SCYL3: variants seen among roughly 807,000 people sequenced by gnomAD.
SCYL3 encodes the protein SCY1 like pseudokinase 3, also known as protein-associating with the carboxyl-terminal domain of ezrin.
A neutral mutation model predicts 73.8 loss-of-function variants in SCYL3; 35 were observed. The observed-to-expected ratio is 0.47, with a 90% CI of 0.36 to 0.63. The LOEUF (loss-of-function observed/expected upper bound fraction) is 0.63, where lower values mean the gene tolerates loss of function less well. Ranked by LOEUF, SCYL3 falls within the 20% of genes least tolerant of loss-of-function variation. SCYL3 has a pLI of 0.00. For missense variants in SCYL3, 712 were observed against 798.9 expected, an observed-to-expected ratio of 0.89 and a Z score of 1.31; for synonymous variants, 277 against 295.2, an observed-to-expected ratio of 0.94 and a Z score of 0.63.
At chr1:169,875,900 G>GA in intron 4 of SCYL3, 78 bp downstream of exon 4, 1 of 785,988 alleles carries the variant, frequency 1.3e-6, no homozygotes, top group Admixed American at 3.0e-5. Context: ...AACACTGAAG[G>GA]AAAGTGCCTA....
chr1:169,849,641 A>G lies in SCYL3; in HGVS notation c.*4072T>C, dbSNP rs749556683. The stretch of plus-strand genomic sequence containing the variant: ...ACTGATTTATCACAGTGACTTTCAA[A>G]CCATTTTAATATTTCAAATATTCCA... On this transcript the variant is annotated 3_prime_UTR_variant, in exon 13 of 13. Transcript: ENST00000367771. 10 of 1,461,242 alleles carry G rather than the reference A, an allele frequency of 6.8e-6. No individual in the cohort carries two copies. The highest frequency in any genetic ancestry group is 9.6e-6 in the Non-Finnish European group (10 of 1,044,264). The allele number at this position is 1,461,242 out of a possible 1,614,324, so 90.5% of individuals were successfully genotyped here.
chr1:169,865,480 CCT>C (rs1659974848), intron 8 of SCYL3, among the ~76,000 whole-genome samples: 1 of 152,286 alleles, frequency 6.6e-6, no homozygotes, highest in East Asian at 1.9e-4. Context: ...CCAGCATTCC[CCT>C]CTCTTCCAGG....
Position 169,853,332 on chromosome 1 carries a change from A to AGCTT in SCYL3, c.*377_*380dup. The AGCTT allele has an allele frequency of 6.0e-6, 2 of 332,472 alleles. No individual in the cohort carries two copies. The highest frequency in any genetic ancestry group is 1.1e-5 in the Non-Finnish European group (2 of 183,684). The allele number at this position is 332,472 out of a possible 1,614,324, so 20.6% of individuals were successfully genotyped here. On this transcript the variant is annotated 3_prime_UTR_variant, in exon 13 of 13. Transcript: ENST00000367771. ...TTTTTAAAGTTGTATTTCATAATAGAGCTTACTCTTATGTTAAAGAATGGC... is the reference window on the plus strand; with the variant it reads ...TTTTTAAAGTTGTATTTCATAATAGAGCTTGCTTACTCTTATGTTAAAGAATGGC...
In SCYL3 at chr1:169,859,112, C is replaced by G. The variant is rs1287699803; in HGVS notation, c.1241G>C (p.Gly414Ala). 6.2e-7 allele frequency: 1 copy of G among 1,613,902 alleles called. No homozygotes were observed. The highest frequency in any genetic ancestry group is 1.7e-5 in the Admixed American group (1 of 59,968). ...VSLLGPEVVV[G>A]GERTKIFKRT... ...TTTGAAGATCTTGGTTCGTTCTCCTCCCACAACCACCTCTGGTCCAAGCAG... is the reference window on the plus strand; with the variant it reads ...TTTGAAGATCTTGGTTCGTTCTCCTGCCACAACCACCTCTGGTCCAAGCAG... Residue 414 changes from glycine to alanine, a missense_variant, in exon 11 of 13, where the codon GGA becomes GCA. Physicochemically the swap from Gly to Ala is moderately conservative, Grantham distance 60 (BLOSUM62 0). This residue lies in a region of SCYL3 where 370 missense variants were observed against 350.8 expected (regional missense o/e 1.05). Transcript: ENST00000367771.
chr1:169,854,077 CAA>C (rs1374518810), intron 12 of SCYL3, 191 bp downstream of exon 12: 2 of 582,838 alleles, frequency 3.4e-6, no homozygotes, highest in East Asian at 5.8e-5. Context: ...GCTCATTAAA[CAA>C]ACTAAGCATT....
intron 5 of SCYL3, among the ~76,000 whole-genome samples, chr1:169,873,172 G>A (rs577423577): frequency 6.6e-6 from 1 of 152,232 alleles, no homozygotes; most frequent in South Asian, 2.1e-4. Context: ...ATTGAATTAT[G>A]GAGGTAGATC....
chr1:169,850,018 A>G lies in SCYL3; in HGVS notation c.*3695T>C, dbSNP rs1657907849. The stretch of plus-strand genomic sequence containing the variant: ...TTGCTGTATAGTCATGCCTATGATC[A>G]TAAGGGAGTCCAGAAGCATTAGTAT... On this transcript the variant is annotated 3_prime_UTR_variant, in exon 13 of 13. Coordinates refer to ENST00000367771, the MANE Select transcript of SCYL3 (RefSeq NM_020423.7). The G allele has an allele frequency of 1.9e-6, 1 of 532,290 alleles. No individual in the cohort carries two copies. The highest frequency in any genetic ancestry group is 3.2e-5 in the Admixed American group (1 of 30,980). 33.0% of individuals were successfully genotyped at this position (532,290 alleles called of 1,614,324 possible).
Position 169,878,820 on chromosome 1 carries a change from C to T in SCYL3, c.166-1G>A. 1.2e-6 allele frequency: 2 copies of T among 1,604,962 alleles called. No individual in the cohort carries two copies. Among genetic ancestry groups the T allele is most frequent in the East Asian group, 2.2e-5 (1 of 44,798 alleles). On this transcript the variant is annotated splice_acceptor_variant, in intron 2 of 12. Coordinates refer to ENST00000367771, the MANE Select transcript of SCYL3 (RefSeq NM_020423.7). LOFTEE classifies it high-confidence loss of function. ...AAGGGTGACGAAGTGTCTTCAAATG[C>T]TTTAAAAATACAAACCGAAGAGCTG...
chr1:169,891,843 T>A (rs75478159), intron 1 of SCYL3, among the ~76,000 whole-genome samples: 2,249 of 152,330 alleles, frequency 0.015, 55 homozygotes, highest in African/African-American at 0.051. Context: ...GTGGGAACAT[T>A]GGCCTTGCAA....
At chr1:169,885,966 C>T (rs12124032) in intron 2 of SCYL3, among the ~76,000 whole-genome samples, 10,018 of 152,140 alleles carry the variant, frequency 0.066, 426 homozygotes, top group Non-Finnish European at 0.1. Context: ...TGCCCAGAAG[C>T]CACGTAAGAG....
Position 169,854,520 on chromosome 1 carries a change from A to G in SCYL3, c.1757T>C (p.Val586Ala). 6.2e-7 allele frequency: 1 copy of G among 1,613,916 alleles called. No homozygotes were observed. The highest frequency in any genetic ancestry group is 1.7e-4 in the Middle Eastern group (1 of 6,060). ...CTTAAGGGGCCTTTCTTGTGATGAC[A>G]CTTTTGGCGGCTCGATTTGGTCTGC... is the stretch of plus-strand genomic sequence containing the variant. ...DDADQIEPPK[V>A]SSQERPLKVP... Residue 586 changes from valine (V) to alanine (A), a missense_variant, in exon 12 of 13, where the codon GTG (valine) becomes GCG (alanine). Val to Ala is a moderately conservative substitution (Grantham distance 64). Around this residue, in one of 2 missense-constraint regions of SCYL3, gnomAD observed 370 missense variants for 350.8 expected, o/e 1.05. Coordinates refer to ENST00000367771, the MANE Select transcript of SCYL3 (RefSeq NM_020423.7).
intron 2 of SCYL3, among the ~76,000 whole-genome samples, chr1:169,885,677 A>C (rs1381844220): frequency 6.6e-6 from 1 of 152,214 alleles, no homozygotes; most frequent in Non-Finnish European, 1.5e-5. Context: ...GAAAGGAATA[A>C]AAATTCCATT....
rs747163105 is a variant in SCYL3, at chr1:169,876,035, TC to T, written c.407del (p.Gly136AspfsTer5). Reference protein sequence around the residue: ...CLSSVFVSEDGHWKLGGMETV... With the variant: ...CLSSVFVSEDXHWKLGGMETV... ...TTTCCATTCCTCCTAGCTTCCAGTG[TC>T]CATCTTCACTCACAAACACAGATGA... On this transcript the variant is annotated frameshift_variant, in exon 4 of 13. Transcript: ENST00000367771. LOFTEE classifies it high-confidence loss of function. 1 of 1,612,258 alleles carries T rather than the reference TC, an allele frequency of 6.2e-7. No homozygotes were observed. The highest frequency in any genetic ancestry group is 1.1e-5 in the South Asian group (1 of 90,790).
chr1:169,863,279 G>T (rs4656200), intron 9 of SCYL3, among the ~76,000 whole-genome samples: 96,636 of 152,020 alleles, frequency 0.64, 31,093 homozygotes, highest in Middle Eastern at 0.77. Flanking sequence ...ATTACTTAAC[G>T]CTTAATTATG....
At chr1:169,855,628 G>T (rs1659066466) in intron 11 of SCYL3, among the ~76,000 whole-genome samples, 1 of 152,138 alleles carries the variant, frequency 6.6e-6, no homozygotes, top group Admixed American at 6.5e-5. Context: ...ACTATAAAGA[G>T]GAGGTAAGTA....
intron 3 of SCYL3, among the ~76,000 whole-genome samples, chr1:169,878,384 T>G (rs898396662): frequency 6.6e-6 from 1 of 152,224 alleles, no homozygotes; most frequent in African/African-American, 2.4e-5. Context: ...AGACAGACTA[T>G]AGTAAACTAA....
At position 169,873,003 on chromosome 1, in the gene SCYL3, T is replaced by G. The variant is rs554220709; in HGVS notation, c.522+693A>C. Among the ~76,000 whole-genome samples, 22 of 152,152 alleles carry G rather than the reference T, an allele frequency of 1.4e-4. No individual in the cohort carries two copies. In the South Asian group the frequency reaches 4.6e-3, roughly 32 times the overall value. The stretch of plus-strand genomic sequence containing the variant: ...GTTAATGCTGAAATGAGTGAAGACT[T>G]TGGGGGACTGTTGAGAAGACATGAC... On this transcript the variant is annotated intron_variant, in intron 5 of 12. Coordinates refer to ENST00000367771, the MANE Select transcript of SCYL3 (RefSeq NM_020423.7).
In SCYL3 at chr1:169,850,316, A is replaced by G; in HGVS notation, c.*3397T>C. ...ACAGTGTCTCAGTTCTGAAGAAACT[A>G]AGAACAAAGTTGTATCCTTTCTGGA... On this transcript the variant is annotated 3_prime_UTR_variant, in exon 13 of 13. Transcript: ENST00000367771. 6.2e-7 allele frequency: 1 copy of G among 1,611,250 alleles called. No homozygotes were observed. Among genetic ancestry groups the G allele is most frequent in the Non-Finnish European group, 8.5e-7 (1 of 1,177,482 alleles).
chr1:169,854,386 G>C lies in SCYL3; in HGVS notation c.1891C>G (p.Pro631Ala), dbSNP rs1658918827. Residue 631 changes from proline (P) to alanine (A), a missense_variant, in exon 12 of 13, where the codon CCT becomes GCT. Pro to Ala is a conservative substitution (Grantham distance 27, BLOSUM62 -1). This residue lies in a region of SCYL3 where 370 missense variants were observed against 350.8 expected (regional missense o/e 1.05). Coordinates refer to ENST00000367771, the MANE Select transcript of SCYL3 (RefSeq NM_020423.7). ...WFADMIPEIK[P>A]SAAFLILPEL... is the part of the protein sequence containing the mutation. ...GGTAATATAAGAAAAGCAGCAGAAG[G>C]CTTAATTTCTGGGATCATATCAGCA... 8 of 1,614,040 alleles carry C rather than the reference G, an allele frequency of 5.0e-6. No individual in the cohort carries two copies. Among genetic ancestry groups the C allele is most frequent in the African/African-American group, 1.3e-5 (1 of 75,016 alleles).
Sources: allele counts gnomAD v4.1 joint callset (sites outside exome capture counted in the v4.1 genomes callset), GRCh38; gene constraint gnomAD v4.1.1; regional missense constraint gnomAD v4.1.1; transcripts MANE v1.5; gene names NCBI Gene and HGNC (gene_info 2026-07-23, HGNC 2026-07-21).